EXOC4: variants seen among roughly 807,000 people sequenced by gnomAD.
The protein encoded by EXOC4 is exocyst complex component 4, also known as SEC8-like 1.
In EXOC4, 71 loss-of-function variants were observed where a neutral mutation model predicts 107.2. That is an observed-to-expected ratio of 0.66 (90% CI 0.55 to 0.81). EXOC4 has a LOEUF of 0.81. Ranked by LOEUF, EXOC4 falls within the 30% of genes least tolerant of loss-of-function variation. EXOC4 has a pLI of 0.00. For synonymous variants in EXOC4, 456 were observed against 441.2 expected (o/e 1.03, Z -0.42); for missense variants, 1,108 against 1,189.6 (o/e 0.93, Z 1.01).
At chr7:133,284,396 G>C (rs1030750845) in intron 2 of EXOC4, among the ~76,000 whole-genome samples, 2 of 152,126 alleles carry the variant, frequency 1.3e-5, no homozygotes, top group Non-Finnish European at 2.9e-5. Context: ...ATATAAGTAG[G>C]ATATCAGAAA....
chr7:133,329,084 TG>T (rs1795317204), intron 5 of EXOC4, among the ~76,000 whole-genome samples: 1 of 152,232 alleles, frequency 6.6e-6, no homozygotes, highest in African/African-American at 2.4e-5. Flanking sequence ...TCTTTTCACA[TG>T]GTTCCATATT....
chr7:133,462,178 A>G (rs1222374329), intron 7 of EXOC4, among the ~76,000 whole-genome samples: 1 of 152,190 alleles, frequency 6.6e-6, no homozygotes, highest in Non-Finnish European at 1.5e-5. Flanking sequence ...TGAAATATTA[A>G]TGTCTGGCAT....
At chr7:133,503,831 G>A (rs1341691940) in intron 9 of EXOC4, among the ~76,000 whole-genome samples, 3 of 152,106 alleles carry the variant, frequency 2.0e-5, no homozygotes, top group Non-Finnish European at 4.4e-5. Flanking sequence ...TGGTTTGGGG[G>A]AGGGTACGTG....
intron 10 of EXOC4, among the ~76,000 whole-genome samples, chr7:133,692,309 A>T (rs1794438494): frequency 1.3e-5 from 2 of 152,212 alleles, no homozygotes; most frequent in Non-Finnish European, 2.9e-5. Context: ...TTGTAAAAAA[A>T]AATAGTTTTT....
At chr7:133,510,805 C>T (rs1231676552) in intron 9 of EXOC4, among the ~76,000 whole-genome samples, 1 of 152,186 alleles carries the variant, frequency 6.6e-6, no homozygotes, top group Non-Finnish European at 1.5e-5. Context: ...CAGAGTGGTA[C>T]ATATCACACC....
chr7:133,390,317 T>C (rs914021099), intron 7 of EXOC4, among the ~76,000 whole-genome samples: 1 of 152,208 alleles, frequency 6.6e-6, no homozygotes, highest in African/African-American at 2.4e-5. Context: ...GAGTTTCTCA[T>C]GATGATGCCA....
chr7:133,836,605 A>T (rs1389090694), intron 11 of EXOC4, among the ~76,000 whole-genome samples: 4 of 152,178 alleles, frequency 2.6e-5, no homozygotes, highest in Non-Finnish European at 5.9e-5. Context: ...CTAAAGGCAG[A>T]ACACGTTTCA....
At chr7:133,658,898 A>G (rs1173018240) in intron 10 of EXOC4, among the ~76,000 whole-genome samples, 1 of 149,480 alleles carries the variant, frequency 6.7e-6, no homozygotes, top group Non-Finnish European at 1.5e-5. Context: ...TGCAAATGAT[A>G]TTGCATAGGA....
chr7:133,860,087 A>G lies in EXOC4; in HGVS notation c.1735-35512A>G, dbSNP rs1798501378. Reference sequence around the variant, plus strand: ...CAATTTCCTACTATTCAACCTATGCAGTTTTGTTTTTAGATAGAATTCTGA... The same window carrying G: ...CAATTTCCTACTATTCAACCTATGCGGTTTTGTTTTTAGATAGAATTCTGA... On this transcript the variant is annotated intron_variant, in intron 11 of 17. Transcript: ENST00000253861. Among the ~76,000 whole-genome samples the G allele has an allele frequency of 1.3e-5, 2 of 152,288 alleles. 1 individual carries two copies. Among genetic ancestry groups the G allele is most frequent in the Middle Eastern group, 6.8e-3 (2 of 294 alleles).
At chr7:133,284,824 C>T (rs912154884) in intron 2 of EXOC4, among the ~76,000 whole-genome samples, 16 of 152,112 alleles carry the variant, frequency 1.1e-4, no homozygotes, top group Admixed American at 7.9e-4. Context: ...CGTGAGCCAC[C>T]GTGCCCGGCC....
chr7:133,642,597 T>G (rs1802885090), intron 10 of EXOC4, among the ~76,000 whole-genome samples: 1 of 152,162 alleles, frequency 6.6e-6, no homozygotes, highest in Non-Finnish European at 1.5e-5. Context: ...TGCCATTGCT[T>G]TAGTCGCTCA....
At chr7:133,976,118 T>C (rs535379706) in intron 14 of EXOC4, among the ~76,000 whole-genome samples, 2 of 152,294 alleles carry the variant, frequency 1.3e-5, no homozygotes, top group African/African-American at 4.8e-5. Context: ...AAGCCTAGAA[T>C]GACTTAATGG....
At chr7:133,639,940 A>T (rs554597495) in intron 10 of EXOC4, among the ~76,000 whole-genome samples, 7 of 152,270 alleles carry the variant, frequency 4.6e-5, no homozygotes, top group Admixed American at 4.6e-4. Context: ...CTCTTTAGTG[A>T]AGGAATATGG....
chr7:134,007,939 T>C, intron 17 of EXOC4, 104 bp downstream of exon 17: 2 of 1,087,552 alleles, frequency 1.8e-6, no homozygotes, highest in Non-Finnish European at 2.6e-6. Context: ...AAGCTTAGTT[T>C]AAAAAAAGAA....
In EXOC4 at chr7:133,950,717, A is replaced by G. The variant is rs545909424; in HGVS notation, c.2206+12648A>G. Among the ~76,000 whole-genome samples, 445 of 152,374 alleles carry G rather than the reference A, an allele frequency of 2.9e-3. 3 individuals are homozygous for G. The highest frequency in any genetic ancestry group is 0.01 in the African/African-American group (421 of 41,584). On this transcript the variant is annotated intron_variant, in intron 14 of 17. Coordinates refer to ENST00000253861, the MANE Select transcript of EXOC4 (RefSeq NM_021807.4). ...TTAAGATTTGTGGATTATTGTTGTAAGCATCAAACAGAAATAGCATTGTAG... is the reference window on the plus strand; with the variant it reads ...TTAAGATTTGTGGATTATTGTTGTAGGCATCAAACAGAAATAGCATTGTAG...
intron 17 of EXOC4, among the ~76,000 whole-genome samples, chr7:134,022,818 T>C (rs777995980): frequency 7.2e-5 from 11 of 152,198 alleles, no homozygotes; most frequent in Non-Finnish European, 1.3e-4. Flanking sequence ...TAAGGCTAGC[T>C]CACTCCTCAA....
At chr7:133,938,836 T>C (rs1800362898) in intron 14 of EXOC4, among the ~76,000 whole-genome samples, 1 of 152,206 alleles carries the variant, frequency 6.6e-6, no homozygotes, top group Admixed American at 6.5e-5. Context: ...ACAGTCTCAC[T>C]CTGTTGCCCA....
intron 10 of EXOC4, among the ~76,000 whole-genome samples, chr7:133,696,847 A>G (rs1482189603): frequency 2.0e-5 from 3 of 152,196 alleles, no homozygotes; most frequent in Non-Finnish European, 4.4e-5. Flanking sequence ...ATTTGTCACT[A>G]TATCTCTTGT....
intron 9 of EXOC4, among the ~76,000 whole-genome samples, chr7:133,492,057 A>G (rs1799382311): frequency 6.6e-6 from 1 of 152,178 alleles, no homozygotes. Context: ...TGCGGGTGAT[A>G]AGGAGTCCTC....
Sources: gnomAD v4.1 joint callset for allele counts (sites outside exome capture counted in the v4.1 genomes callset) on GRCh38, gnomAD v4.1.1 for gene constraint, MANE v1.5 for transcripts, NCBI Gene and HGNC (gene_info 2026-07-23, HGNC 2026-07-21) for gene names.